LAMB3: variants seen among roughly 807,000 people sequenced by gnomAD.
LAMB3 encodes laminin subunit beta-3.
In LAMB3, 104 loss-of-function variants were observed where a neutral mutation model predicts 140.3. The observed-to-expected ratio is 0.74, with a 90% confidence interval of 0.63 to 0.87. The LOEUF (loss-of-function observed/expected upper bound fraction) is 0.87. Ranked by LOEUF, LAMB3 falls within the 40% of genes least tolerant of loss-of-function variation. The pLI, the probability that LAMB3 is intolerant of heterozygous loss-of-function variation, is 0.00. For missense variants in LAMB3, 1,531 were observed against 1,575.2 expected (o/e 0.97, Z 0.47); for synonymous variants, 592 against 602.9 (o/e 0.98, Z 0.26).
At chr1:209,641,607 G>T (rs890371393) in intron 3 of LAMB3, among the ~76,000 whole-genome samples, 3 of 152,110 alleles carry the variant, frequency 2.0e-5, no homozygotes, top group Non-Finnish European at 4.4e-5. Context: ...GAGCCCCAAG[G>T]CCCCAAGAAG....
chr1:209,627,030 C>A, intron 12 of LAMB3, 52 bp from the exon 13 acceptor site: 1 of 1,322,894 alleles, frequency 7.6e-7, no homozygotes, highest in South Asian at 1.2e-5. Context: ...CTCTGCCTTA[C>A]CCTGGTGTCA....
intron 18 of LAMB3, 40 bp from the exon 19 acceptor site, chr1:209,618,699 C>T: frequency 1.3e-6 from 2 of 1,593,314 alleles, no homozygotes; most frequent in South Asian, 2.2e-5. Flanking sequence ...AGCCCACTAA[C>T]CTCCCCAGAG....
chr1:209,644,256 G>A (rs566362448), intron 3 of LAMB3, among the ~76,000 whole-genome samples: 6 of 152,328 alleles, frequency 3.9e-5, no homozygotes, highest in African/African-American at 7.2e-5. Context: ...TCCTTATCAC[G>A]AAGTGAAATT....
chr1:209,651,337 G>A (rs529445525), intron 1 of LAMB3: 18 of 278,472 alleles, frequency 6.5e-5, no homozygotes, highest in African/African-American at 3.7e-4. Flanking sequence ...GAGAAAAGCT[G>A]TAGAAAGGGC....
chr1:209,627,337 A>AC (rs1258043104), intron 12 of LAMB3, 46 bp downstream of exon 12: 2 of 1,497,872 alleles, frequency 1.3e-6, no homozygotes, highest in Non-Finnish European at 1.8e-6. Flanking sequence ...GGTGCTCAGG[A>AC]CCCCCCTCCC....
At position 209,632,746 on chromosome 1, in the gene LAMB3, T is replaced by C; in HGVS notation, c.659A>G (p.Asn220Ser). The C allele has an allele frequency of 6.2e-7, 1 of 1,614,092 alleles. No individual in the cohort carries two copies. The highest frequency in any genetic ancestry group is 8.5e-7 in the Non-Finnish European group (1 of 1,180,022). Residue 220 changes from asparagine (N) to serine (S), a missense_variant, in exon 8 of 23, where the codon AAT becomes AGT. By Grantham distance (46) the Asn-to-Ser change is conservative. Transcript: ENST00000356082. The stretch of plus-strand genomic sequence containing the variant: ...GGGCACAGGGGCCAGCCTGGTGAAA[T>C]TGACTCTCAAGTTTGTGATCTCCCC... Reference protein sequence around the residue: ...EVGEITNLRVNFTRLAPVPQR... With the variant: ...EVGEITNLRVSFTRLAPVPQR...
At chr1:209,629,348 C>T (rs1666590476) in intron 10 of LAMB3, among the ~76,000 whole-genome samples, 1 of 152,194 alleles carries the variant, frequency 6.6e-6, no homozygotes, top group South Asian at 2.1e-4. Flanking sequence ...AATTAAATCA[C>T]AAACCTCATT....
At chr1:209,628,236 A>T (rs1666549750) in intron 10 of LAMB3, 46 bp from the exon 11 acceptor site, 1 of 1,547,476 alleles carries the variant, frequency 6.5e-7, no homozygotes, top group African/African-American at 1.4e-5. Context: ...AGAAAAGTAG[A>T]GTTCAGAGCA....
intron 2 of LAMB3, among the ~76,000 whole-genome samples, chr1:209,650,417 C>A (rs1034480891): frequency 6.6e-6 from 1 of 152,220 alleles, no homozygotes; most frequent in Non-Finnish European, 1.5e-5. Flanking sequence ...ACTCGGCCAT[C>A]ATGACAAGGT....
At chr1:209,646,370 G>A (rs886149474) in intron 3 of LAMB3, among the ~76,000 whole-genome samples, 8 of 152,294 alleles carry the variant, frequency 5.3e-5, no homozygotes, top group African/African-American at 9.6e-5. Flanking sequence ...CTGAATAAAC[G>A]GCAAAGGTTG....
chr1:209,617,445 C>T lies in LAMB3; in HGVS notation c.3193G>A (p.Glu1065Lys), dbSNP rs761241565. The change falls in exon 21 of 23, where the codon GAA (glutamate) becomes AAA (lysine). Residue 1065 changes from glutamate (E) to lysine (K), a missense_variant. By Grantham distance (56) the Glu-to-Lys change is moderately conservative (BLOSUM62 1). Transcript: ENST00000356082. ...AEAVQAQQLA[E>K]GASEQALSAQ... ...CTCAATGCCTGCTCGCTGGCACCTTCCGCAAGCTGCTGGGCCTGGACTGCC... is the reference window on the plus strand; with the variant it reads ...CTCAATGCCTGCTCGCTGGCACCTTTCGCAAGCTGCTGGGCCTGGACTGCC... The T allele has an allele frequency of 1.7e-5, 27 of 1,613,154 alleles. No individual in the cohort carries two copies. Among genetic ancestry groups the T allele is most frequent in the Non-Finnish European group, 2.3e-5 (27 of 1,180,046 alleles).
rs201223111 is a variant in LAMB3 at position 209,623,941 on chromosome 1, G to A, written c.2036C>T (p.Pro679Leu). 174 of 1,613,984 alleles carry A rather than the reference G, an allele frequency of 1.1e-4. No individual in the cohort carries two copies. The highest frequency in any genetic ancestry group is 1.9e-4 in the South Asian group (17 of 91,096). The change falls in exon 15 of 23, where the codon CCG becomes CTG. Residue 679 changes from proline (P) to leucine (L), a missense_variant. Transcript: ENST00000356082. The surrounding 1 kb of genome is among the most constrained non-coding windows in gnomAD (Gnocchi z 4.2). ...TCTGTCAAGACTCTCCAGGTCTCTC[G>A]GAAGGGACAACGTCTCCTCCTCCAG... Reference protein sequence around the residue: ...LPLEEETLSLPRDLESLDRSF... With the variant: ...LPLEEETLSLLRDLESLDRSF...
Position 209,627,532 on chromosome 1 carries a change from C to A in LAMB3, c.1336G>T (p.Glu446Ter), listed in dbSNP as rs749069550. Residue 446 changes from glutamate (E) to a stop codon, truncating the protein, a stop_gained, in exon 12 of 23, where the codon GAG (glutamate) becomes TAG (stop). Transcript: ENST00000356082. LOFTEE classifies it high-confidence loss of function. The part of the protein sequence containing the change: ...LGSRRDMPCD[E>*]ESGRCLCLPN... ...AGACAAAGGCAGCGCCCACTCTCCTCGTCACACGGCATGTCCCTCCGGGAC... is the reference window on the plus strand; with the variant it reads ...AGACAAAGGCAGCGCCCACTCTCCTAGTCACACGGCATGTCCCTCCGGGAC... The A allele has an allele frequency of 6.2e-7, 1 of 1,614,064 alleles. No individual in the cohort carries two copies. The highest frequency in any genetic ancestry group is 8.5e-7 in the Non-Finnish European group (1 of 1,180,014).
At chr1:209,644,174 A>G (rs1437510281) in intron 3 of LAMB3, among the ~76,000 whole-genome samples, 1 of 152,242 alleles carries the variant, frequency 6.6e-6, no homozygotes, top group Non-Finnish European at 1.5e-5. Flanking sequence ...AATGAAGATC[A>G]AAAGGCAGCA....
rs753097275 is a variant in LAMB3 at position 209,633,147 on chromosome 1, G to A, written c.565-14C>T. 4 of 1,596,700 alleles carry A rather than the reference G, an allele frequency of 2.5e-6. No individual in the cohort carries two copies. The highest frequency in any genetic ancestry group is 4.5e-5 in the East Asian group (2 of 44,802). ...GTTAAGTTGGACCTACAGAGGGAAG[G>A]GAAAGAGAAGCGCTGAAGAAGAGAC... is the stretch of plus-strand genomic sequence containing the variant. On this transcript the variant is annotated splice_polypyrimidine_tract_variant and intron_variant, in intron 6 of 22. Transcript: ENST00000356082.
At chr1:209,651,890 T>C in intron 1 of LAMB3, among the ~76,000 whole-genome samples, 1 of 151,930 alleles carries the variant, frequency 6.6e-6, no homozygotes, top group East Asian at 1.9e-4. Context: ...GGGGGGGAAA[T>C]TGAGGACATT....
intron 3 of LAMB3, among the ~76,000 whole-genome samples, chr1:209,642,757 G>T (rs888631941): frequency 2.0e-5 from 3 of 152,186 alleles, no homozygotes; most frequent in Non-Finnish European, 2.9e-5. Flanking sequence ...GAGATTACAG[G>T]TGTGAGCCAC....
chr1:209,627,911 A>AC (rs1197835427), intron 11 of LAMB3, 124 bp downstream of exon 11: 19 of 1,289,910 alleles, frequency 1.5e-5, no homozygotes, highest in Non-Finnish European at 1.9e-5. Flanking sequence ...GCCCGGGCAT[A>AC]CCCCCTCTGT....
intron 8 of LAMB3, among the ~76,000 whole-genome samples, chr1:209,632,062 T>C (rs1401186068): frequency 6.6e-6 from 1 of 152,158 alleles, no homozygotes; most frequent in Non-Finnish European, 1.5e-5. Context: ...TCAAACCCCA[T>C]CCCTGCTGAA....
Sources: gnomAD v4.1 joint callset for allele counts (sites outside exome capture counted in the v4.1 genomes callset) on GRCh38, gnomAD v4.1.1 for gene constraint, Gnocchi (gnomAD v3.1) non-coding constraint, MANE v1.5 for transcripts, NCBI Gene and HGNC (gene_info 2026-07-23, HGNC 2026-07-21) for gene names.